Variants in NRXN3 observed in about 807,000 individuals in gnomAD.
NRXN3 encodes the protein neurexin 3.
NRXN3 carries 32 observed loss-of-function variants against 137.6 expected under a neutral mutation model. That is an observed-to-expected ratio of 0.23 (90% CI 0.18 to 0.31). The LOEUF (loss-of-function observed/expected upper bound fraction) is 0.31, where lower values mean the gene tolerates loss of function less well. NRXN3 is among the 10% of genes least tolerant of loss of function. NRXN3 has a pLI of 1.00. For synonymous variants in NRXN3, 798 were observed against 784.5 expected (o/e 1.02, Z -0.29); for missense variants, 1,574 against 2,062.5 (o/e 0.76, Z 4.59).
At chr14:79,346,721 T>C (rs2092905461) in intron 15 of NRXN3, among the ~76,000 whole-genome samples, 1 of 152,188 alleles carries the variant, frequency 6.6e-6, no homozygotes, top group Non-Finnish European at 1.5e-5. Context: ...TCCTGTATGC[T>C]TAGGTGTATC....
At chr14:79,676,335 C>A (rs1323479885) in intron 17 of NRXN3, among the ~76,000 whole-genome samples, 1 of 122,886 alleles carries the variant, frequency 8.1e-6, no homozygotes, top group Admixed American at 7.3e-5. Context: ...TAAATTTTGA[C>A]CTACATCCTC....
At chr14:78,938,529 T>A (rs2099346356) in intron 10 of NRXN3, among the ~76,000 whole-genome samples, 1 of 152,216 alleles carries the variant, frequency 6.6e-6, no homozygotes, top group Admixed American at 6.5e-5. Context: ...GAAGGTTGGA[T>A]AATCCTACGT....
At chr14:79,106,295 C>G (rs79598174) in intron 15 of NRXN3, among the ~76,000 whole-genome samples, 4,316 of 152,040 alleles carry the variant, frequency 0.028, 203 homozygotes, top group African/African-American at 0.099. Context: ...GACTGAAACC[C>G]AATTCAAGAG....
chr14:79,322,024 A>G lies in NRXN3; in HGVS notation c.3263-145197A>G, dbSNP rs367644031. On this transcript the variant is annotated intron_variant, in intron 15 of 20. Coordinates refer to ENST00000335750, the MANE Select transcript of NRXN3 (RefSeq NM_001330195.2). ...GGAGGCTAGAGGATCACTTGAGCCT[A>G]GTAGTTCAAGATCAGCCTGGGCAAC... is the stretch of plus-strand genomic sequence containing the variant. Among the ~76,000 whole-genome samples the G allele has an allele frequency of 4.3e-4, 65 of 152,096 alleles. 1 individual carries two copies. The East Asian group carries it at 9.7e-3, about 23-fold the overall frequency.
chr14:79,829,272 C>T (rs935842797), intron 20 of NRXN3, among the ~76,000 whole-genome samples: 3 of 152,178 alleles, frequency 2.0e-5, no homozygotes, highest in African/African-American at 7.2e-5. Context: ...AAGGAAATTT[C>T]AGGAAATCTG....
At chr14:79,002,393 A>G (rs113530912) in intron 15 of NRXN3, among the ~76,000 whole-genome samples, 2,737 of 151,982 alleles carry the variant, frequency 0.018, 84 homozygotes, top group African/African-American at 0.061. Context: ...GACAGGCCCC[A>G]GTGTGTGTTG....
intron 19 of NRXN3, among the ~76,000 whole-genome samples, chr14:79,761,665 A>G (rs12588661): frequency 0.13 from 17,684 of 140,452 alleles, 1,317 homozygotes; most frequent in Middle Eastern, 0.22. Flanking sequence ...CAGCCTGGCA[A>G]CAAAGCGAGA....
At chr14:78,825,357 T>G (rs1253837285) in intron 10 of NRXN3, among the ~76,000 whole-genome samples, 1 of 151,880 alleles carries the variant, frequency 6.6e-6, no homozygotes, top group African/African-American at 2.4e-5. Context: ...GGTGGCAGAG[T>G]TGCGTGATAG....
intron 1 of NRXN3, among the ~76,000 whole-genome samples, chr14:78,228,828 G>A (rs1423484934): frequency 6.6e-6 from 1 of 152,126 alleles, no homozygotes; most frequent in African/African-American, 2.4e-5. Context: ...GGAATCTAGG[G>A]CAAACAATGA....
chr14:78,744,021 T>C (rs2098595139), intron 8 of NRXN3, among the ~76,000 whole-genome samples: 1 of 152,194 alleles, frequency 6.6e-6, no homozygotes. Context: ...GAAGGGCTTT[T>C]TATATAATCT....
intron 1 of NRXN3, among the ~76,000 whole-genome samples, chr14:78,200,089 G>A (rs2061546203): frequency 6.6e-6 from 1 of 152,218 alleles, no homozygotes; most frequent in South Asian, 2.1e-4. Context: ...GCAATGGGGT[G>A]CATCTCAGGA....
intron 16 of NRXN3, among the ~76,000 whole-genome samples, chr14:79,565,167 G>A (rs1488347250): frequency 6.6e-6 from 1 of 151,122 alleles, no homozygotes; most frequent in Non-Finnish European, 1.5e-5. Context: ...GGTTGTGTAA[G>A]TGCTATAAGT....
chr14:79,441,779 G>C (rs554503380), intron 15 of NRXN3, among the ~76,000 whole-genome samples: 1 of 151,804 alleles, frequency 6.6e-6, no homozygotes, highest in Admixed American at 6.6e-5. Context: ...CACACAGTAT[G>C]TGTGTGTGAA....
At chr14:79,062,572 T>C (rs1282552836) in intron 15 of NRXN3, among the ~76,000 whole-genome samples, 1 of 152,146 alleles carries the variant, frequency 6.6e-6, no homozygotes, top group Non-Finnish European at 1.5e-5. Context: ...TCGTTAGGGA[T>C]GAGGGAGCAA....
In NRXN3 at chr14:79,084,754, T is replaced by A. The variant is rs1285525100; in HGVS notation, c.3262+96613T>A. Reference sequence around the variant, plus strand: ...CAGTCATCAATCGTATTGATTTTTTTAAAAACAAAGGTCAAGCACATGTTC... The same window carrying A: ...CAGTCATCAATCGTATTGATTTTTTAAAAAACAAAGGTCAAGCACATGTTC... On this transcript the variant is annotated intron_variant, in intron 15 of 20. Coordinates refer to ENST00000335750, the MANE Select transcript of NRXN3 (RefSeq NM_001330195.2). Among the ~76,000 whole-genome samples the A allele has an allele frequency of 6.6e-5, 10 of 152,164 alleles. No homozygotes were observed. In the East Asian group the frequency reaches 1.3e-3, roughly 21 times the overall value.
intron 16 of NRXN3, among the ~76,000 whole-genome samples, chr14:79,568,642 A>G (rs1370658375): frequency 6.6e-6 from 1 of 152,140 alleles, no homozygotes. Flanking sequence ...TGTGGCTTTT[A>G]TTAATGGACC....
At chr14:79,373,604 G>A (rs886876070) in intron 15 of NRXN3, among the ~76,000 whole-genome samples, 1 of 152,002 alleles carries the variant, frequency 6.6e-6, no homozygotes, top group Admixed American at 6.6e-5. Flanking sequence ...ATAATATACG[G>A]TTCAGTGGCT....
At chr14:79,692,329 A>T (rs1384502698) in intron 18 of NRXN3, 67 bp downstream of exon 18, 12 of 1,163,092 alleles carry the variant, frequency 1.0e-5, no homozygotes, top group Non-Finnish European at 1.5e-5. Flanking sequence ...AAAGCCTGCA[A>T]ATAAATGTTC....
At chr14:79,360,043 C>T (rs2093629325) in intron 15 of NRXN3, among the ~76,000 whole-genome samples, 1 of 152,112 alleles carries the variant, frequency 6.6e-6, no homozygotes, top group Non-Finnish European at 1.5e-5. Flanking sequence ...CAAATGTTAT[C>T]CCATTGAGGC....
Sources: gnomAD v4.1 joint callset for allele counts (sites outside exome capture counted in the v4.1 genomes callset) on GRCh38, gnomAD v4.1.1 for gene constraint, MANE v1.5 for transcripts, NCBI Gene and HGNC (gene_info 2026-07-23, HGNC 2026-07-21) for gene names.